Variants in SLC9A9 observed in about 807,000 individuals in gnomAD.
SLC9A9 encodes solute carrier family 9 member A9.
In SLC9A9, 62 loss-of-function variants were observed where a neutral mutation model predicts 77.8. That is an observed-to-expected ratio of 0.80 (90% confidence interval 0.65 to 0.98). The LOEUF is 0.98. Among genes scored for constraint, SLC9A9 ranks in the 50% least tolerant of loss-of-function variants. The pLI is 0.00. For synonymous variants in SLC9A9, 320 were observed against 283.5 expected (o/e 1.13, Z -1.29); for missense variants, 775 against 774.9 (o/e 1.00, Z 0.00).
intron 12 of SLC9A9, among the ~76,000 whole-genome samples, chr3:143,410,392 C>T (rs1388070526): frequency 1.3e-5 from 2 of 152,124 alleles, no homozygotes; most frequent in African/African-American, 4.8e-5. Context: ...ACTTGTCTGA[C>T]CTCTCAAACT....
chr3:143,752,389 G>A (rs920684953), intron 4 of SLC9A9, among the ~76,000 whole-genome samples: 1 of 152,160 alleles, frequency 6.6e-6, no homozygotes, highest in Admixed American at 6.5e-5. Context: ...TTTAGGCACC[G>A]TTGCCTGATA....
At chr3:143,366,534 G>A (rs947647099) in intron 13 of SLC9A9, among the ~76,000 whole-genome samples, 11 of 152,314 alleles carry the variant, frequency 7.2e-5, no homozygotes, top group African/African-American at 2.6e-4. Context: ...TTCCTTGTCT[G>A]TAAAATGAAT....
intron 11 of SLC9A9, among the ~76,000 whole-genome samples, chr3:143,485,759 A>G (rs2108584720): frequency 6.6e-6 from 1 of 152,218 alleles, no homozygotes; most frequent in Middle Eastern, 3.4e-3. Flanking sequence ...AATAACAGAA[A>G]CTATCCCTGA....
intron 14 of SLC9A9, among the ~76,000 whole-genome samples, chr3:143,330,972 G>A (rs913415445): frequency 2.6e-5 from 4 of 152,172 alleles, no homozygotes; most frequent in East Asian, 1.9e-4. Flanking sequence ...ACAAGGAATC[G>A]AGAAATCTTA....
intron 5 of SLC9A9, among the ~76,000 whole-genome samples, chr3:143,666,820 C>T (rs1010125153): frequency 2.6e-5 from 4 of 151,960 alleles, no homozygotes; most frequent in African/African-American, 7.3e-5. Context: ...CACTGCTCAA[C>T]AAAATAAAAG....
chr3:143,584,169 C>G (rs1167866428), intron 6 of SLC9A9, among the ~76,000 whole-genome samples: 1 of 151,970 alleles, frequency 6.6e-6, no homozygotes, highest in Non-Finnish European at 1.5e-5. Context: ...TCATCTCTCT[C>G]CTGATCACGA....
chr3:143,797,009 G>A, intron 2 of SLC9A9, 106 bp from the exon 3 acceptor site: 1 of 824,860 alleles, frequency 1.2e-6, no homozygotes, highest in Non-Finnish European at 2.0e-6. Flanking sequence ...CCTTTGTGAG[G>A]CATATTAACT....
intron 5 of SLC9A9, among the ~76,000 whole-genome samples, chr3:143,669,069 T>C (rs1213777850): frequency 6.6e-6 from 1 of 152,062 alleles, no homozygotes. Flanking sequence ...CCTTTTAGGG[T>C]TGTACAACTG....
chr3:143,494,756 G>C (rs986871079), intron 10 of SLC9A9, among the ~76,000 whole-genome samples: 4 of 152,182 alleles, frequency 2.6e-5, no homozygotes, highest in African/African-American at 9.7e-5. Flanking sequence ...CATTAAAAGT[G>C]GGGTCTAGAT....
At chr3:143,550,977 C>T (rs905807254) in intron 9 of SLC9A9, among the ~76,000 whole-genome samples, 1 of 152,210 alleles carries the variant, frequency 6.6e-6, no homozygotes, top group African/African-American at 2.4e-5. Context: ...TGTGACTTTA[C>T]TTGGAAACGG....
chr3:143,701,911 C>G (rs543870082), intron 4 of SLC9A9, among the ~76,000 whole-genome samples: 1 of 152,076 alleles, frequency 6.6e-6, no homozygotes, highest in African/African-American at 2.4e-5. Flanking sequence ...ACCCTAAAAG[C>G]AGCAAGAGAA....
At chr3:143,730,851 G>C (rs1029855403) in intron 4 of SLC9A9, among the ~76,000 whole-genome samples, 1 of 151,774 alleles carries the variant, frequency 6.6e-6, no homozygotes. Flanking sequence ...TAAGAAGTCA[G>C]CATGACTTAA....
At chr3:143,757,352 C>G (rs1416914250) in intron 4 of SLC9A9, among the ~76,000 whole-genome samples, 1 of 152,054 alleles carries the variant, frequency 6.6e-6, no homozygotes, top group Non-Finnish European at 1.5e-5. Context: ...AAATGTGCCT[C>G]TCCACTATTT....
At chr3:143,341,118 T>C (rs1212277786) in intron 14 of SLC9A9, among the ~76,000 whole-genome samples, 3 of 152,222 alleles carry the variant, frequency 2.0e-5, no homozygotes, top group African/African-American at 4.8e-5. Flanking sequence ...ATGTGGAATA[T>C]GATGAATTCC....
At chr3:143,820,538 G>C (rs2009139085) in intron 2 of SLC9A9, among the ~76,000 whole-genome samples, 1 of 152,180 alleles carries the variant, frequency 6.6e-6, no homozygotes, top group African/African-American at 2.4e-5. Context: ...TGGATTGGCT[G>C]CTGCTGGTCC....
chr3:143,350,326 C>T (rs957202428), intron 14 of SLC9A9, among the ~76,000 whole-genome samples: 2 of 152,184 alleles, frequency 1.3e-5, no homozygotes, highest in Admixed American at 6.5e-5. Context: ...CGTGACTTCT[C>T]CCTAATCACT....
At chr3:143,838,965 A>G (rs2009640322) in intron 1 of SLC9A9, among the ~76,000 whole-genome samples, 1 of 152,240 alleles carries the variant, frequency 6.6e-6, no homozygotes, top group Non-Finnish European at 1.5e-5. Context: ...CTTTTAGAAC[A>G]TGAATTTAGA....
Position 143,848,285 on chromosome 3 carries a change from T to C in SLC9A9, c.38A>G (p.Glu13Gly). The change falls in exon 1 of 16, where the codon GAG becomes GGG. Residue 13 changes from glutamate (E) to glycine (G), a missense_variant. Transcript: ENST00000316549. Reference sequence around the variant, plus strand: ...CGCTCCCTGATGTTGAAACTGATACTCATCCTTTTCTGACATAACCCTTGA... The same window carrying C: ...CGCTCCCTGATGTTGAAACTGATACCCATCCTTTTCTGACATAACCCTTGA... ...RQSRVMSEKDEYQFQHQGAVE... is the reference protein window; with the variant it reads ...RQSRVMSEKDGYQFQHQGAVE... 5 of 1,613,996 alleles carry C rather than the reference T, an allele frequency of 3.1e-6. No homozygotes were observed. The highest frequency in any genetic ancestry group is 4.2e-6 in the Non-Finnish European group (5 of 1,179,910).
intron 14 of SLC9A9, among the ~76,000 whole-genome samples, chr3:143,289,630 T>C (rs1331849991): frequency 6.6e-6 from 1 of 152,188 alleles, no homozygotes; most frequent in African/African-American, 2.4e-5. Context: ...CAATAAGTTC[T>C]GTCTACTCCA....
Sources: gnomAD v4.1 joint callset for allele counts (sites outside exome capture counted in the v4.1 genomes callset) on GRCh38, gnomAD v4.1.1 for gene constraint, MANE v1.5 for transcripts, NCBI Gene and HGNC (gene_info 2026-07-23, HGNC 2026-07-21) for gene names.